ELF2: variants seen among roughly 807,000 people sequenced by gnomAD.
ELF2 encodes ETS-related transcription factor Elf-2.
A neutral mutation model predicts 54.8 loss-of-function variants in ELF2; 11 were observed. The observed-to-expected ratio is 0.20, with a 90% CI of 0.13 to 0.33. The LOEUF is 0.33. ELF2 is among the 10% of genes least tolerant of loss of function. The pLI is 1.00. For missense variants in ELF2, 513 were observed against 703.0 expected (o/e 0.73, Z 3.06); for synonymous variants, 203 against 245.1 (o/e 0.83, Z 1.61).
chr4:139,088,474 CCTCTT>C (rs935562998), intron 4 of ELF2, among the ~76,000 whole-genome samples: 1 of 152,096 alleles, frequency 6.6e-6, no homozygotes, highest in Non-Finnish European at 1.5e-5. Context: ...AATCCAGTGA[CCTCTT>C]CTCAGTCTCC....
intron 4 of ELF2, among the ~76,000 whole-genome samples, chr4:139,092,369 T>TAAC: frequency 1.6e-5 from 1 of 61,562 alleles, no homozygotes; most frequent in South Asian, 6.0e-4. Context: ...TCAGAAATCA[T>TAAC]AACGTAACAT....
chr4:139,137,423 A>G (rs1259783205), intron 3 of ELF2: 1 of 596,620 alleles, frequency 1.7e-6, no homozygotes, highest in African/African-American at 1.9e-5. Context: ...ATTCTAATAT[A>G]TGTATGTTCC....
chr4:139,125,803 C>T (rs1328144421), intron 3 of ELF2, among the ~76,000 whole-genome samples: 1 of 144,734 alleles, frequency 6.9e-6, no homozygotes, highest in South Asian at 2.2e-4. Context: ...AAAAAAAAAT[C>T]TGAGAAACAA....
intron 4 of ELF2, among the ~76,000 whole-genome samples, chr4:139,108,161 T>C (rs189465885): frequency 1.5e-3 from 229 of 152,294 alleles, no homozygotes; most frequent in Non-Finnish European, 1.9e-3. Context: ...AGAAAACTTA[T>C]ACTAGCAGCA....
chr4:139,170,149 A>C (rs1470463473), intron 1 of ELF2, among the ~76,000 whole-genome samples: 2 of 152,104 alleles, frequency 1.3e-5, no homozygotes, highest in African/African-American at 4.8e-5. Context: ...ATCTTGGATT[A>C]GGCAGAGTTC....
chr4:139,095,571 A>AT (rs989846803), intron 4 of ELF2, among the ~76,000 whole-genome samples: 2 of 152,078 alleles, frequency 1.3e-5, no homozygotes, highest in African/African-American at 4.8e-5. Flanking sequence ...ATTTTAACAA[A>AT]TTTTTTTTAA....
chr4:139,110,495 C>T (rs962626082), intron 4 of ELF2, among the ~76,000 whole-genome samples: 1 of 152,158 alleles, frequency 6.6e-6, no homozygotes, highest in Non-Finnish European at 1.5e-5. Context: ...ATATCATAGA[C>T]AATCATATTT....
intron 1 of ELF2, chr4:139,155,187 G>C (rs1470976441): frequency 2.6e-5 from 4 of 152,306 alleles, no homozygotes; most frequent in African/African-American, 9.7e-5. Context: ...AGCTACTACA[G>C]ATACTGAGGC....
At chr4:139,113,096 G>A (rs957445841) in intron 4 of ELF2, among the ~76,000 whole-genome samples, 2 of 152,158 alleles carry the variant, frequency 1.3e-5, no homozygotes, top group African/African-American at 2.4e-5. Context: ...GGTAGCTCAT[G>A]CCTATAATCC....
At chr4:139,170,754 A>G (rs1002532939) in intron 1 of ELF2, among the ~76,000 whole-genome samples, 1 of 147,686 alleles carries the variant, frequency 6.8e-6, no homozygotes, top group Non-Finnish European at 1.5e-5. Flanking sequence ...ATATTATATT[A>G]TATTTTTTTG....
chr4:139,095,657 T>C (rs1229814785), intron 4 of ELF2, among the ~76,000 whole-genome samples: 1 of 152,240 alleles, frequency 6.6e-6, no homozygotes, highest in Non-Finnish European at 1.5e-5. Context: ...CTTTTTAATA[T>C]ATAGCCATCT....
At position 139,057,381 on chromosome 4, in the gene ELF2, T is replaced by C. The variant is rs1727202112; in HGVS notation, c.*1602A>G. On this transcript the variant is annotated 3_prime_UTR_variant, in exon 10 of 10. Transcript: ENST00000686138. ...GTGATCAATTAAAAGACAAAAAATA[T>C]TATGTATGAGTTCATCTACATTTCT... 1 of 152,200 alleles carries C rather than the reference T, an allele frequency of 6.6e-6. No individual in the cohort carries two copies. Among genetic ancestry groups the C allele is most frequent in the East Asian group, 1.9e-4 (1 of 5,196 alleles). The allele number at this position is 152,200 out of a possible 1,614,324, so 9.4% of individuals were successfully genotyped here.
At chr4:139,075,353 C>T (rs887693386) in intron 4 of ELF2, among the ~76,000 whole-genome samples, 7 of 152,154 alleles carry the variant, frequency 4.6e-5, no homozygotes, top group African/African-American at 1.7e-4. Flanking sequence ...TTCTTGAGGT[C>T]TGGGGGGCTA....
intron 1 of ELF2, among the ~76,000 whole-genome samples, chr4:139,145,207 T>C (rs909206974): frequency 6.6e-6 from 1 of 152,264 alleles, no homozygotes; most frequent in African/African-American, 2.4e-5. Context: ...TCTGTCCACA[T>C]GACCAGTTTA....
At chr4:139,174,206 TAAA>T (rs1222397912) in intron 1 of ELF2, among the ~76,000 whole-genome samples, 1 of 94,010 alleles carries the variant, frequency 1.1e-5, no homozygotes. Context: ...GACTCCATCT[TAAA>T]AAAAAAAAAA....
intron 1 of ELF2, among the ~76,000 whole-genome samples, chr4:139,140,716 T>C (rs1278144162): frequency 1.3e-5 from 2 of 150,788 alleles, no homozygotes; most frequent in Admixed American, 6.6e-5. Context: ...ATCCTGCCAC[T>C]GCACTCAAGC....
At chr4:139,119,024 AAAAAC>A (rs1189706000) in intron 4 of ELF2, among the ~76,000 whole-genome samples, 2 of 152,248 alleles carry the variant, frequency 1.3e-5, no homozygotes, top group African/African-American at 2.4e-5. Flanking sequence ...TAAAGGGCAA[AAAAAC>A]AAAACAAAAC....
Position 139,057,499 on chromosome 4 carries a change from A to AT in ELF2, c.*1483dup, listed in dbSNP as rs1047791902. 2 of 152,224 alleles carry AT rather than the reference A, an allele frequency of 1.3e-5. No individual in the cohort carries two copies. Among genetic ancestry groups the AT allele is most frequent in the Non-Finnish European group, 2.9e-5 (2 of 68,038 alleles). 9.4% of individuals were successfully genotyped at this position (152,224 alleles called of 1,614,324 possible). A position where few individuals can be genotyped will look rare whatever the true frequency, so the allele number is the denominator to read the frequency against. On this transcript the variant is annotated 3_prime_UTR_variant, in exon 10 of 10. Coordinates refer to ENST00000686138, the MANE Select transcript of ELF2 (RefSeq NM_001331036.3). ...GTAGTAAAATTACATAGTTTATGTA[A>AT]TCCTTCAGATACCTTAACTTCCTAA... is the stretch of plus-strand genomic sequence containing the variant.
At chr4:139,082,740 A>G (rs906408511) in intron 4 of ELF2, among the ~76,000 whole-genome samples, 28 of 152,192 alleles carry the variant, frequency 1.8e-4, no homozygotes, top group African/African-American at 6.5e-4. Flanking sequence ...TTCCCTGAGT[A>G]TTTCTCATCG....
Sources: gnomAD v4.1 joint callset for allele counts (sites outside exome capture counted in the v4.1 genomes callset) on GRCh38, gnomAD v4.1.1 for gene constraint, MANE v1.5 for transcripts, NCBI Gene and HGNC (gene_info 2026-07-23, HGNC 2026-07-21) for gene names.